EHD4: variants seen among roughly 807,000 people sequenced by gnomAD.
The protein encoded by EHD4 is EH domain-containing protein 4.
A neutral mutation model predicts 51.0 loss-of-function variants in EHD4; 37 were observed. The observed-to-expected ratio is 0.73, with a 90% CI of 0.56 to 0.95. The LOEUF (loss-of-function observed/expected upper bound fraction) is 0.95. EHD4 is among the 40% of genes least tolerant of loss of function. The pLI is 0.00. For synonymous variants in EHD4, 297 were observed against 317.3 expected (o/e 0.94, Z 0.68); for missense variants, 632 against 733.1 (o/e 0.86, Z 1.59).
chr15:41,935,956 T>C (rs191322164), intron 3 of EHD4, among the ~76,000 whole-genome samples: 4 of 152,320 alleles, frequency 2.6e-5, no homozygotes, highest in East Asian at 1.9e-4. Flanking sequence ...TGCCTGGGCC[T>C]CTTGGCCTCT....
Position 41,896,720 on chromosome 15 carries a change from G to A in EHD4, c.*3925C>T, listed in dbSNP as rs1464967298. The A allele has an allele frequency of 6.6e-6, 1 of 152,294 alleles. No homozygotes were observed. The highest frequency in any genetic ancestry group is 2.4e-5 in the African/African-American group (1 of 41,454). 9.4% of individuals were successfully genotyped at this position (152,294 alleles called of 1,614,324 possible). Reference sequence around the variant, plus strand: ...TCCTCCCTAGCACGACTGGAGAAAGGACTCCTGTGAAGCGGTCACCTCCAT... The same window carrying A: ...TCCTCCCTAGCACGACTGGAGAAAGAACTCCTGTGAAGCGGTCACCTCCAT... On this transcript the variant is annotated 3_prime_UTR_variant, in exon 6 of 6. Coordinates refer to ENST00000220325, the MANE Select transcript of EHD4 (RefSeq NM_139265.4).
At position 41,900,543 on chromosome 15, in the gene EHD4, C is replaced by T. The variant is rs2067468577; in HGVS notation, c.*102G>A. On this transcript the variant is annotated 3_prime_UTR_variant, in exon 6 of 6. Coordinates refer to ENST00000220325, the MANE Select transcript of EHD4 (RefSeq NM_139265.4). The surrounding 1 kb of genome is among the most constrained non-coding windows in gnomAD (Gnocchi z 4.8). ...TTCTACAGATGGGGAAACCAAGGCA[C>T]AGAGAGGGCAGTGCCTTGCCCAAGG... 1 of 1,251,886 alleles carries T rather than the reference C, an allele frequency of 8.0e-7. No individual in the cohort carries two copies. The highest frequency in any genetic ancestry group is 1.1e-6 in the Non-Finnish European group (1 of 927,096). 77.5% of individuals were successfully genotyped at this position (1,251,886 alleles called of 1,614,324 possible).
chr15:41,909,248 C>G (rs2067532980), intron 5 of EHD4, among the ~76,000 whole-genome samples: 2 of 152,264 alleles, frequency 1.3e-5, no homozygotes, highest in African/African-American at 4.8e-5. Context: ...CCGCAGAGCC[C>G]CACAGCCCCT....
At chr15:41,922,616 G>A (rs1450304116) in intron 3 of EHD4, among the ~76,000 whole-genome samples, 1 of 152,146 alleles carries the variant, frequency 6.6e-6, no homozygotes, top group Non-Finnish European at 1.5e-5. Context: ...TGGGTTGAAT[G>A]GTTACCTTTG....
At chr15:41,913,324 T>C (rs7183264) in intron 4 of EHD4, among the ~76,000 whole-genome samples, 76,471 of 152,082 alleles carry the variant, frequency 0.5, 20,275 homozygotes, top group African/African-American at 0.64. Flanking sequence ...CCAGACCTGG[T>C]GGTTGTCCCT....
intron 3 of EHD4, among the ~76,000 whole-genome samples, chr15:41,933,785 T>C (rs779308196): frequency 4.6e-5 from 7 of 152,082 alleles, no homozygotes; most frequent in Non-Finnish European, 8.8e-5. Context: ...TTAAAAAAAT[T>C]CCTTCTTTAT....
intron 3 of EHD4, among the ~76,000 whole-genome samples, chr15:41,922,033 C>A (rs2140989756): frequency 6.6e-6 from 1 of 152,312 alleles, no homozygotes; most frequent in African/African-American, 2.4e-5. Flanking sequence ...GTGACAAATT[C>A]TCCAAAACAT....
chr15:41,935,323 G>C (rs908723988), intron 3 of EHD4, among the ~76,000 whole-genome samples: 2 of 152,164 alleles, frequency 1.3e-5, no homozygotes, highest in Non-Finnish European at 2.9e-5. Context: ...GCAGCCATGA[G>C]GTCTCACTGT....
At chr15:41,946,356 G>A (rs2067814688) in intron 2 of EHD4, among the ~76,000 whole-genome samples, 3 of 152,136 alleles carry the variant, frequency 2.0e-5, no homozygotes, top group African/African-American at 4.8e-5. Flanking sequence ...AAGGGCCAGG[G>A]GTAGCAGAGA....
Position 41,900,487 on chromosome 15 carries a change from GTCA to G in EHD4, c.*155_*157del. Reference sequence around the variant, plus strand: ...TAAGGGAATTTTGGAGGTGAAAGAAGTCATCTAGTTTCCAGTGTCCACCCTCCC... The same window carrying G: ...TAAGGGAATTTTGGAGGTGAAAGAAGTCTAGTTTCCAGTGTCCACCCTCCC... On this transcript the variant is annotated 3_prime_UTR_variant, in exon 6 of 6. Coordinates refer to ENST00000220325, the MANE Select transcript of EHD4 (RefSeq NM_139265.4). This position sits in a 1 kb window ranked among gnomAD's most constrained non-coding sequence, Gnocchi z 4.8. 1 of 717,646 alleles carries G rather than the reference GTCA, an allele frequency of 1.4e-6. No homozygotes were observed. The highest frequency in any genetic ancestry group is 2.2e-6 in the Non-Finnish European group (1 of 448,752). The allele number at this position is 717,646 out of a possible 1,614,324, so 44.5% of individuals were successfully genotyped here.
intron 2 of EHD4, among the ~76,000 whole-genome samples, chr15:41,947,446 T>C (rs1361890466): frequency 6.6e-6 from 1 of 152,222 alleles, no homozygotes; most frequent in African/African-American, 2.4e-5. Flanking sequence ...ACTTCCAGGT[T>C]TGCCATTAGG....
intron 3 of EHD4, among the ~76,000 whole-genome samples, 184 bp from the exon 4 acceptor site, chr15:41,919,806 G>A (rs139492372): frequency 6.6e-6 from 1 of 152,014 alleles, no homozygotes; most frequent in African/African-American, 2.4e-5. Flanking sequence ...GGAAGGACCT[G>A]GGGAGCCCTT....
rs555167068 is a variant in EHD4, at chr15:41,919,348, C to T, written c.786G>A (p.Ala262=). Residue 262 remains alanine, a synonymous_variant, in exon 4 of 6, where the codon GCG becomes GCA. Transcript: ENST00000220325. Reference sequence around the variant, plus strand: ...GGTTGTCCGTGTTCTGCAGGGGCTGCGCCCAGAAGGAGCCAATGTAGACGC... The same window carrying T: ...GGTTGTCCGTGTTCTGCAGGGGCTGTGCCCAGAAGGAGCCAATGTAGACGC... The part of the protein sequence containing the change: ...VLRVYIGSFW[A]QPLQNTDNRR... 22 of 1,614,166 alleles carry T rather than the reference C, an allele frequency of 1.4e-5. 1 individual carries two copies. The highest frequency in any genetic ancestry group is 8.3e-5 in the Admixed American group (5 of 60,022).
intron 5 of EHD4, among the ~76,000 whole-genome samples, chr15:41,907,269 T>C (rs10518741): frequency 0.34 from 52,345 of 152,142 alleles, 9,311 homozygotes; most frequent in Middle Eastern, 0.55. Context: ...ATAACTTTCA[T>C]TTAGGTCAAG....
chr15:41,937,954 A>C (rs771965755), intron 3 of EHD4, among the ~76,000 whole-genome samples: 1 of 152,194 alleles, frequency 6.6e-6, no homozygotes, highest in Non-Finnish European at 1.5e-5. Flanking sequence ...TACATATATA[A>C]TGAGAGATCT....
chr15:41,950,250 A>C (rs1163130017), intron 2 of EHD4, among the ~76,000 whole-genome samples: 1 of 152,160 alleles, frequency 6.6e-6, no homozygotes, highest in Non-Finnish European at 1.5e-5. Context: ...TGGTTTGCTT[A>C]ATGGTGGAGG....
chr15:41,946,867 T>C (rs959168987), intron 2 of EHD4, among the ~76,000 whole-genome samples: 1 of 152,248 alleles, frequency 6.6e-6, no homozygotes, highest in Non-Finnish European at 1.5e-5. Flanking sequence ...AGTACCTTAA[T>C]ACTGATTTTG....
chr15:41,956,767 G>T (rs527846715), intron 1 of EHD4, among the ~76,000 whole-genome samples: 1 of 152,166 alleles, frequency 6.6e-6, no homozygotes, highest in African/African-American at 2.4e-5. Flanking sequence ...ACTAGAATTA[G>T]GAAGAATTAC....
intron 1 of EHD4, among the ~76,000 whole-genome samples, chr15:41,969,570 A>C (rs558019358): frequency 1.2e-4 from 19 of 152,272 alleles, no homozygotes; most frequent in Non-Finnish European, 2.6e-4. Context: ...TGTAGTTTGC[A>C]TTCATTTCAA....
Sources: allele counts gnomAD v4.1 joint callset (sites outside exome capture counted in the v4.1 genomes callset), GRCh38; gene constraint gnomAD v4.1.1; non-coding constraint Gnocchi (gnomAD v3.1); transcripts MANE v1.5; gene names NCBI Gene and HGNC (gene_info 2026-07-23, HGNC 2026-07-21).